Variants in SLC6A19 observed in about 807,000 individuals in gnomAD.
SLC6A19 encodes the protein sodium-dependent neutral amino acid transporter B(0)AT1.
In SLC6A19, 67 loss-of-function variants were observed where a neutral mutation model predicts 68.3. The observed-to-expected ratio is 0.98, with a 90% CI of 0.81 to 1.20. SLC6A19 has a LOEUF of 1.20. Ranked by LOEUF, SLC6A19 falls within the 50% of genes most tolerant of loss-of-function variation. SLC6A19 has a pLI of 0.00. For missense variants in SLC6A19, 813 were observed against 851.6 expected (o/e 0.95, Z 0.56); for synonymous variants, 392 against 374.9 (o/e 1.05, Z -0.53).
chr5:1,216,990 C>T, intron 8 of SLC6A19, 45 bp downstream of exon 8: 2 of 1,610,298 alleles, frequency 1.2e-6, no homozygotes, highest in Non-Finnish European at 8.5e-7. Context: ...GCACCCCTTG[C>T]TGGCACCTCA....
At chr5:1,206,505 C>T (rs1745856541) in intron 1 of SLC6A19, among the ~76,000 whole-genome samples, 1 of 152,146 alleles carries the variant, frequency 6.6e-6, no homozygotes, top group African/African-American at 2.4e-5. Context: ...CATGGCCCTG[C>T]TGGCTAAGGA....
chr5:1,212,382 C>T lies in SLC6A19; in HGVS notation c.561C>T (p.Ile187=), dbSNP rs769094393. 8.7e-6 allele frequency: 14 copies of T among 1,613,340 alleles called. No homozygotes were observed. Among genetic ancestry groups the T allele is most frequent in the Middle Eastern group, 1.6e-4 (1 of 6,084 alleles). Residue 187 remains isoleucine (I), a synonymous_variant, in exon 4 of 12, where the codon ATC becomes ATT. Transcript: ENST00000304460. This position sits in a 1 kb window ranked among gnomAD's most constrained non-coding sequence, Gnocchi z 5.1. ...AGACGCTCAACATCTCCACGTCCAT[C>T]AGCGACTCGGGCTCCATCCAGTGGT... ...YRETLNISTS[I]SDSGSIQWWM...
At chr5:1,219,396 C>T in intron 9 of SLC6A19, 109 bp from the exon 10 acceptor site, 2 of 1,492,124 alleles carry the variant, frequency 1.3e-6, no homozygotes, top group South Asian at 1.2e-5. Context: ...GGTGTGTGAA[C>T]AGCTCTGTCC....
At position 1,214,743 on chromosome 5, in the gene SLC6A19, G is replaced by GA. The variant is rs956554189; in HGVS notation, c.887+678_887+679insA. 3.9e-5 allele frequency among the ~76,000 whole-genome samples: 6 copies of GA among 151,900 alleles called. No homozygotes were observed. The highest frequency in any genetic ancestry group is 5.9e-5 in the Non-Finnish European group (4 of 67,946). ...TGGGGGTGAGGGAGGACTCCTAGGGGTCAGGGTGGCCCTCCAGGCTGTGAA... is the reference window on the plus strand; with the variant it reads ...TGGGGGTGAGGGAGGACTCCTAGGGGATCAGGGTGGCCCTCCAGGCTGTGAA... On this transcript the variant is annotated intron_variant, in intron 6 of 11. Coordinates refer to ENST00000304460, the MANE Select transcript of SLC6A19 (RefSeq NM_001003841.3). The surrounding 1 kb of genome is among the most constrained non-coding windows in gnomAD (Gnocchi z 7.4).
intron 1 of SLC6A19, among the ~76,000 whole-genome samples, chr5:1,207,724 G>A (rs1041873775): frequency 2.6e-5 from 4 of 152,186 alleles, no homozygotes; most frequent in African/African-American, 9.7e-5. Flanking sequence ...CACTAAACGT[G>A]GCCCTCGGTT....
chr5:1,221,609 G>A, intron 11 of SLC6A19, 92 bp from the exon 12 acceptor site: 1 of 1,501,962 alleles, frequency 6.7e-7, no homozygotes, highest in Non-Finnish European at 9.2e-7. Flanking sequence ...CACAGGACAG[G>A]AGGTGAGAGT....
In SLC6A19 at chr5:1,212,320, G is replaced by A. The variant is rs772410636; in HGVS notation, c.499G>A (p.Ala167Thr). 17 of 1,613,374 alleles carry A rather than the reference G, an allele frequency of 1.1e-5. No homozygotes were observed. Among genetic ancestry groups the A allele is most frequent in the South Asian group, 6.6e-5 (6 of 91,090 alleles). ...ENQTGYVDEC[A>T]RSSPVDYFWY... Reference sequence around the variant, plus strand: ...CTCCCCAGGGTATGTGGACGAGTGCGCCAGGAGCTCCCCTGTGGACTACTT... The same window carrying A: ...CTCCCCAGGGTATGTGGACGAGTGCACCAGGAGCTCCCCTGTGGACTACTT... Residue 167 changes from alanine to threonine, a missense_variant, in exon 4 of 12, where the codon GCC (alanine) becomes ACC (threonine). Coordinates refer to ENST00000304460, the MANE Select transcript of SLC6A19 (RefSeq NM_001003841.3). The surrounding 1 kb of genome is among the most constrained non-coding windows in gnomAD (Gnocchi z 5.1).
chr5:1,212,583 C>A lies in SLC6A19; in HGVS notation c.663+99C>A. 1.4e-6 allele frequency: 2 copies of A among 1,478,000 alleles called. No individual in the cohort carries two copies. Among genetic ancestry groups the A allele is most frequent in the Non-Finnish European group, 1.9e-6 (2 of 1,080,046 alleles). The allele number at this position is 1,478,000 out of a possible 1,614,324, so 91.6% of individuals were successfully genotyped here. Reference sequence around the variant, plus strand: ...CACTCTAAAACCCAGGTCTGGGGGTCCCGGGCTCTGCCTTTCCCCAGACCC... The same window carrying A: ...CACTCTAAAACCCAGGTCTGGGGGTACCGGGCTCTGCCTTTCCCCAGACCC... On this transcript the variant is annotated intron_variant, in intron 4 of 11. Transcript: ENST00000304460. The surrounding 1 kb of genome is among the most constrained non-coding windows in gnomAD (Gnocchi z 5.1).
At chr5:1,213,647 T>C (rs961159342) in intron 5 of SLC6A19, 74 bp downstream of exon 5, 54 of 1,403,632 alleles carry the variant, frequency 3.8e-5, no homozygotes, top group Non-Finnish European at 4.8e-5. Context: ...CCAGCCTCAA[T>C]ACCAGCTCTC....
intron 1 of SLC6A19, among the ~76,000 whole-genome samples, chr5:1,205,956 G>T (rs1468231753): frequency 2.0e-5 from 3 of 152,166 alleles, no homozygotes; most frequent in African/African-American, 7.2e-5. Flanking sequence ...CATCCCGCCA[G>T]CCCACCCTAC....
chr5:1,202,463 G>A (rs1745735107), intron 1 of SLC6A19, among the ~76,000 whole-genome samples: 1 of 152,202 alleles, frequency 6.6e-6, no homozygotes, highest in South Asian at 2.1e-4. Flanking sequence ...GCCGCTGCTG[G>A]CACAGAGGTG....
intron 1 of SLC6A19, among the ~76,000 whole-genome samples, chr5:1,205,323 G>GA (rs1359640916): frequency 6.6e-6 from 1 of 152,266 alleles, no homozygotes; most frequent in East Asian, 1.9e-4. Context: ...TAATTGTCAA[G>GA]AATGCTTGGC....
Position 1,214,835 on chromosome 5 carries a change from G to A in SLC6A19, c.887+770G>A, listed in dbSNP as rs1045142189. ...GGGCAGGGCCTGGGTAGGGAGGGTG[G>A]GGCCTAGACTGGACGGGGGCCTGGG... is the stretch of plus-strand genomic sequence containing the variant. On this transcript the variant is annotated intron_variant, in intron 6 of 11. Coordinates refer to ENST00000304460, the MANE Select transcript of SLC6A19 (RefSeq NM_001003841.3). The surrounding 1 kb of genome is among the most constrained non-coding windows in gnomAD (Gnocchi z 7.4). 2.3e-4 allele frequency among the ~76,000 whole-genome samples: 33 copies of A among 145,806 alleles called. No homozygotes were observed. The highest frequency in any genetic ancestry group is 8.0e-4 in the African/African-American group (32 of 39,910).
rs1746214487 is a variant in SLC6A19 at position 1,216,599 on chromosome 5, A to T, written c.929A>T (p.Asn310Ile). 1 of 1,614,140 alleles carries T rather than the reference A, an allele frequency of 6.2e-7. No homozygotes were observed. The highest frequency in any genetic ancestry group is 1.3e-5 in the African/African-American group (1 of 75,058). The change falls in exon 7 of 12, where the codon AAC becomes ATC. Residue 310 changes from asparagine (N) to isoleucine (I), a missense_variant. Transcript: ENST00000304460. ...EKDSVIVSII[N>I]GFTSVYVAIV... is the part of the protein sequence containing the mutation. ...GACTCGGTGATTGTGTCCATCATCAACGGCTTCACATCGGTGTATGTGGCC... is the reference window on the plus strand; with the variant it reads ...GACTCGGTGATTGTGTCCATCATCATCGGCTTCACATCGGTGTATGTGGCC...
At position 1,215,805 on chromosome 5, in the gene SLC6A19, G is replaced by T. The variant is rs1361358691; in HGVS notation, c.888-753G>T. Among the ~76,000 whole-genome samples, 1 of 152,202 alleles carries T rather than the reference G, an allele frequency of 6.6e-6. No individual in the cohort carries two copies. Among genetic ancestry groups the T allele is most frequent in the African/African-American group, 2.4e-5 (1 of 41,450 alleles). On this transcript the variant is annotated intron_variant, in intron 6 of 11. Coordinates refer to ENST00000304460, the MANE Select transcript of SLC6A19 (RefSeq NM_001003841.3). The surrounding 1 kb of genome is among the most constrained non-coding windows in gnomAD (Gnocchi z 5.1). Reference sequence around the variant, plus strand: ...TCTACATGCAGTCCTTCGAGGAGCTGTCAGGCTGTTTTCCACGGTGGCTGC... The same window carrying T: ...TCTACATGCAGTCCTTCGAGGAGCTTTCAGGCTGTTTTCCACGGTGGCTGC...
chr5:1,218,020 A>C (rs7446286), intron 8 of SLC6A19, among the ~76,000 whole-genome samples: 13 of 23,678 alleles, frequency 5.5e-4, no homozygotes, highest in Non-Finnish European at 8.0e-4. Context: ...TCCTCCCGCC[A>C]CCTCCCACCA....
intron 10 of SLC6A19, among the ~76,000 whole-genome samples, chr5:1,220,132 G>A (rs769568991): frequency 2.6e-5 from 4 of 152,116 alleles, no homozygotes; most frequent in Non-Finnish European, 5.9e-5. Flanking sequence ...AGACAAGGCC[G>A]GGCACGGTGG....
At position 1,213,992 on chromosome 5, in the gene SLC6A19, G is replaced by A. The variant is rs377422483; in HGVS notation, c.814G>A (p.Gly272Ser). ...CCAGCCGGACACCTGGCTGGACGCG[G>A]GCGCACAGGTCTTCTTCTCCTTCTC... ...LAQPDTWLDA[G>S]AQVFFSFSLA... is the part of the protein sequence containing the mutation. The change falls in exon 6 of 12, where the codon GGC (glycine) becomes AGC (serine). Residue 272 changes from glycine (G) to serine (S), a missense_variant. Physicochemically the swap from Gly to Ser is moderately conservative, Grantham distance 56 (BLOSUM62 0). Transcript: ENST00000304460. The A allele has an allele frequency of 2.5e-5, 40 of 1,613,502 alleles. No individual in the cohort carries two copies. Among genetic ancestry groups the A allele is most frequent in the Non-Finnish European group, 3.4e-5 (40 of 1,180,022 alleles).
chr5:1,220,725 C>G (rs186631422), intron 10 of SLC6A19, among the ~76,000 whole-genome samples: 2 of 152,152 alleles, frequency 1.3e-5, no homozygotes, highest in African/African-American at 2.4e-5. Flanking sequence ...AACTCCTTTG[C>G]GCAGAAGAGG....
Sources: allele counts gnomAD v4.1 joint callset (sites outside exome capture counted in the v4.1 genomes callset), GRCh38; gene constraint gnomAD v4.1.1; non-coding constraint Gnocchi (gnomAD v3.1); transcripts MANE v1.5; gene names NCBI Gene and HGNC (gene_info 2026-07-23, HGNC 2026-07-21).